The following EXD3 variants were observed in gnomAD, a reference collection of about 807,000 sequenced individuals.
EXD3 encodes the protein exonuclease mut-7 homolog.
Under a neutral mutation model 98.0 loss-of-function variants are expected in EXD3, and 92 were observed. The observed-to-expected ratio is 0.94, with a 90% CI of 0.79 to 1.12. The LOEUF (loss-of-function observed/expected upper bound fraction) is 1.12. Among genes scored for constraint, EXD3 ranks in the 50% most tolerant of loss-of-function variants. EXD3 has a pLI of 0.00. For missense variants in EXD3, 1,222 were observed against 1,191.6 expected (o/e 1.03, Z -0.38); for synonymous variants, 569 against 526.0 (o/e 1.08, Z -1.12).
chr9:137,422,880 T>C (rs1838607189), intron 1 of EXD3, among the ~76,000 whole-genome samples: 1 of 151,896 alleles, frequency 6.6e-6, no homozygotes, highest in Non-Finnish European at 1.5e-5. Flanking sequence ...CGGGGTCGGC[T>C]CAGCTCCCCG....
chr9:137,355,476 G>GAAGGAGGAAGGAGAAAGGGAGGAAGGAGA (rs1353485408), intron 8 of EXD3, among the ~76,000 whole-genome samples: 27 of 72,132 alleles, frequency 3.7e-4, no homozygotes, highest in Middle Eastern at 6.8e-3. Flanking sequence ...GAGGAAGGAG[G>GAAGGAGGAAGGAGAAAGGGAGGAAGGAGA]AAGGAGGAAG....
intron 1 of EXD3, 33 bp downstream of exon 1, chr9:137,423,081 C>T (rs1490961943): frequency 6.6e-6 from 1 of 151,810 alleles, no homozygotes; most frequent in Non-Finnish European, 1.5e-5. Flanking sequence ...GCCCAGACCG[C>T]CCACCTGGCC....
At position 137,324,152 on chromosome 9, in the gene EXD3, G is replaced by C. The variant is rs754323840; in HGVS notation, c.1999-9C>G. ...CCCTCCTGCCTGGCAACCTGTGTGG[G>C]AGGTGCGACCAGCACATAAAGGGGG... On this transcript the variant is annotated splice_polypyrimidine_tract_variant and intron_variant, in intron 17 of 21. Coordinates refer to ENST00000340951, the MANE Select transcript of EXD3 (RefSeq NM_017820.5). The surrounding 1 kb of genome is among the most constrained non-coding windows in gnomAD (Gnocchi z 4.1). 4 of 1,571,734 alleles carry C rather than the reference G, an allele frequency of 2.5e-6. No individual in the cohort carries two copies. The highest frequency in any genetic ancestry group is 1.7e-4 in the Middle Eastern group (1 of 6,046).
At chr9:137,330,518 G>A (rs1473237811) in intron 17 of EXD3, among the ~76,000 whole-genome samples, 3 of 146,564 alleles carry the variant, frequency 2.0e-5, no homozygotes, top group Admixed American at 6.8e-5. Flanking sequence ...GACTACGCAG[G>A]ACCACACAGG....
At chr9:137,310,891 C>T (rs1378480547) in intron 19 of EXD3, among the ~76,000 whole-genome samples, 1 of 152,220 alleles carries the variant, frequency 6.6e-6, no homozygotes, top group East Asian at 1.9e-4. Flanking sequence ...GATCCATGGT[C>T]ACATGGCTAT....
At chr9:137,374,649 G>A (rs532479286) in intron 3 of EXD3, 5 of 985,430 alleles carry the variant, frequency 5.1e-6, no homozygotes, top group Middle Eastern at 5.2e-4. Flanking sequence ...GTCCAGGAGG[G>A]TGCCATGCCC....
In EXD3 at chr9:137,306,958, G is replaced by T. The variant is rs904629748; in HGVS notation, c.2623C>A (p.Pro875Thr). Reference protein sequence around the residue: ...PSPAPSPASSPF With the variant: ...PSPAPSPASSTF ...TTATTGTCTGGCTGTCCTCAGAAGG[G>T]ACTGCTGGCCGGGCTGGGGGCTGGG... is the stretch of plus-strand genomic sequence containing the variant. The change falls in exon 22 of 22, where the codon CCC (proline) becomes ACC (threonine). Residue 875 changes from proline (P) to threonine (T), a missense_variant. Transcript: ENST00000340951. The T allele has an allele frequency of 6.3e-7, 1 of 1,578,210 alleles. No individual in the cohort carries two copies. Among genetic ancestry groups the T allele is most frequent in the South Asian group, 1.2e-5 (1 of 85,546 alleles).
chr9:137,421,159 A>C (rs1448315960), intron 1 of EXD3, among the ~76,000 whole-genome samples: 1 of 152,140 alleles, frequency 6.6e-6, no homozygotes, highest in Admixed American at 6.5e-5. Context: ...CTTGTAGTTC[A>C]TAAGCATGAT....
intron 3 of EXD3, among the ~76,000 whole-genome samples, chr9:137,375,647 T>C (rs113701379): frequency 2.0e-5 from 3 of 152,170 alleles, no homozygotes; most frequent in Non-Finnish European, 4.4e-5. Context: ...CTAGCTCTAG[T>C]GAGTTCTAGC....
In EXD3 at chr9:137,351,812, G is replaced by A. The variant is rs150029313; in HGVS notation, c.1173+254C>T. ...GTCAGGGAGGCACCCCACGTCTCGG[G>A]CACCATCTGTAAAATGGGGATTCCA... On this transcript the variant is annotated intron_variant, in intron 12 of 21. Coordinates refer to ENST00000340951, the MANE Select transcript of EXD3 (RefSeq NM_017820.5). 9.5e-3 allele frequency among the ~76,000 whole-genome samples: 1,442 copies of A among 152,342 alleles called. 10 individuals are homozygous for A. Among genetic ancestry groups the A allele is most frequent in the Non-Finnish European group, 0.015 (1,020 of 68,026 alleles).
At chr9:137,382,699 A>C (rs555164451) in intron 3 of EXD3, among the ~76,000 whole-genome samples, 138 of 152,056 alleles carry the variant, frequency 9.1e-4, no homozygotes, top group Admixed American at 7.8e-3. Context: ...TGGATGTGGC[A>C]CTCAGAGGAG....
intron 3 of EXD3, chr9:137,374,906 C>G: frequency 1.3e-5 from 13 of 966,006 alleles, no homozygotes; most frequent in Non-Finnish European, 1.6e-5. Flanking sequence ...CTAGTGAGAT[C>G]TAGCTCTAGT....
chr9:137,328,632 C>T (rs1029944766), intron 17 of EXD3, among the ~76,000 whole-genome samples: 5 of 66,656 alleles, frequency 7.5e-5, no homozygotes, highest in Admixed American at 1.4e-4. Context: ...CTACACGGGA[C>T]TACACGGGGC....
chr9:137,325,141 C>T (rs367663326), intron 17 of EXD3, among the ~76,000 whole-genome samples: 1 of 152,172 alleles, frequency 6.6e-6, no homozygotes, highest in African/African-American at 2.4e-5. Context: ...ATCCCATCGC[C>T]GGGAGTGCCC....
intron 12 of EXD3, 41 bp from the exon 13 acceptor site, chr9:137,351,569 T>C: frequency 4.5e-6 from 7 of 1,545,024 alleles, no homozygotes; most frequent in Non-Finnish European, 5.3e-6. Flanking sequence ...CAGGGCCAAC[T>C]TGGCTCTGCA....
At chr9:137,388,520 C>T (rs998588966) in intron 2 of EXD3, among the ~76,000 whole-genome samples, 1 of 152,162 alleles carries the variant, frequency 6.6e-6, no homozygotes, top group African/African-American at 2.4e-5. Context: ...ATTCCCGACA[C>T]TCTACCATAA....
At chr9:137,387,402 AC>A (rs1226065600) in intron 2 of EXD3, among the ~76,000 whole-genome samples, 1 of 152,064 alleles carries the variant, frequency 6.6e-6, no homozygotes, top group Non-Finnish European at 1.5e-5. Context: ...AGCTGGAGGG[AC>A]CCATGGCAGG....
chr9:137,351,182 C>T, intron 13 of EXD3, 35 bp from the exon 14 acceptor site: 1 of 1,547,782 alleles, frequency 6.5e-7, no homozygotes, highest in Middle Eastern at 1.7e-4. Flanking sequence ...GGGGCGCCTG[C>T]AGGCAGGGAC....
Position 137,385,142 on chromosome 9 carries a change from A to G in EXD3, c.56-1765T>C, listed in dbSNP as rs780030601. 2.6e-5 allele frequency among the ~76,000 whole-genome samples: 4 copies of G among 152,216 alleles called. No individual in the cohort carries two copies. The highest frequency in any genetic ancestry group is 4.4e-5 in the Non-Finnish European group (3 of 68,040). On this transcript the variant is annotated intron_variant, in intron 2 of 21. Coordinates refer to ENST00000340951, the MANE Select transcript of EXD3 (RefSeq NM_017820.5). The surrounding 1 kb of genome is among the most constrained non-coding windows in gnomAD (Gnocchi z 4.4). ...CACCGTGGGGCGCCCAGGCTCCACC[A>G]TGGCGTCTCTGCAGCCACCTGGGCC...
Sources: allele counts gnomAD v4.1 joint callset (sites outside exome capture counted in the v4.1 genomes callset), GRCh38; gene constraint gnomAD v4.1.1; non-coding constraint Gnocchi (gnomAD v3.1); transcripts MANE v1.5; gene names NCBI Gene and HGNC (gene_info 2026-07-23, HGNC 2026-07-21).